The following BANP variants were observed in gnomAD, a reference collection of about 807,000 sequenced individuals.
BANP encodes protein BANP.
In BANP, 11 loss-of-function variants were observed where a neutral mutation model predicts 68.1. The ratio of observed to expected loss-of-function variants is 0.16; its 90% confidence interval spans 0.10 to 0.27. The LOEUF is 0.27. BANP is among the 10% of genes least tolerant of loss of function. BANP has a pLI of 1.00. For missense variants in BANP, 504 were observed against 722.7 expected, an observed-to-expected ratio of 0.70 and a Z score of 3.47; for synonymous variants, 329 against 303.2, an observed-to-expected ratio of 1.09 and a Z score of -0.88.
At chr16:88,024,704 G>C (rs1162150355) in intron 7 of BANP, among the ~76,000 whole-genome samples, 1 of 152,242 alleles carries the variant, frequency 6.6e-6, no homozygotes, top group Non-Finnish European at 1.5e-5. Context: ...TCCGTTCTCT[G>C]GATCTCCTTT....
intron 13 of BANP, 112 bp downstream of exon 13, chr16:88,072,324 C>T (rs2090555804): frequency 3.9e-6 from 5 of 1,274,374 alleles, no homozygotes; most frequent in Non-Finnish European, 5.3e-6. Flanking sequence ...GTGCAGAGGG[C>T]ACGTGATTGG....
At chr16:88,047,193 C>T (rs1466707640) in intron 11 of BANP, among the ~76,000 whole-genome samples, 5 of 152,250 alleles carry the variant, frequency 3.3e-5, no homozygotes, top group South Asian at 4.1e-4. Context: ...CCAGAGCTCC[C>T]GGGGCTGCCA....
intron 4 of BANP, among the ~76,000 whole-genome samples, chr16:87,998,857 C>T (rs2068119721): frequency 7.1e-6 from 1 of 141,010 alleles, no homozygotes; most frequent in African/African-American, 2.7e-5. Context: ...CTTACCTGTC[C>T]TTCCAGACAC....
At chr16:88,040,732 C>T (rs1022308742) in intron 11 of BANP, among the ~76,000 whole-genome samples, 1 of 152,246 alleles carries the variant, frequency 6.6e-6, no homozygotes, top group Non-Finnish European at 1.5e-5. Flanking sequence ...GGCCCTTGGC[C>T]TGCCCTGGTG....
chr16:88,023,735 G>C (rs917601614), intron 7 of BANP, among the ~76,000 whole-genome samples: 1 of 152,210 alleles, frequency 6.6e-6, no homozygotes, highest in Non-Finnish European at 1.5e-5. Flanking sequence ...TGAACCACCA[G>C]AGTCAGTAAC....
intron 11 of BANP, among the ~76,000 whole-genome samples, chr16:88,063,972 G>GT (rs1469731719): frequency 6.6e-6 from 1 of 152,176 alleles, no homozygotes; most frequent in East Asian, 1.9e-4. Context: ...GTTTTGATAA[G>GT]TTTTTTAGAA....
At chr16:88,035,464 G>A in intron 10 of BANP, 70 bp downstream of exon 10, 2 of 1,417,882 alleles carry the variant, frequency 1.4e-6, no homozygotes, top group South Asian at 1.2e-5. Flanking sequence ...CTTCATCGGT[G>A]TCACAGTGCG....
chr16:87,972,632 C>T (rs187449357), intron 1 of BANP, among the ~76,000 whole-genome samples: 1 of 152,204 alleles, frequency 6.6e-6, no homozygotes, highest in African/African-American at 2.4e-5. Flanking sequence ...AGAATCGTTT[C>T]TCTAATTTCA....
chr16:88,053,614 A>T (rs1329339364), intron 11 of BANP, among the ~76,000 whole-genome samples: 17 of 141,760 alleles, frequency 1.2e-4, no homozygotes, highest in Non-Finnish European at 2.3e-4. Flanking sequence ...CCTAACGACT[A>T]CCACCCCCAC....
intron 13 of BANP, among the ~76,000 whole-genome samples, chr16:88,075,140 G>C (rs185107110): frequency 8.1e-4 from 123 of 152,316 alleles, no homozygotes; most frequent in African/African-American, 2.9e-3. Flanking sequence ...GAGGTCAGGA[G>C]TTCGAGACCA....
intron 1 of BANP, among the ~76,000 whole-genome samples, chr16:87,967,768 G>A (rs1003777955): frequency 2.0e-5 from 3 of 152,038 alleles, no homozygotes; most frequent in Non-Finnish European, 2.9e-5. Context: ...AATACAGGGC[G>A]TGTGCCACCA....
At chr16:88,020,201 G>C (rs1170123274) in intron 7 of BANP, among the ~76,000 whole-genome samples, 1 of 152,240 alleles carries the variant, frequency 6.6e-6, no homozygotes, top group Non-Finnish European at 1.5e-5. Context: ...TTCAGGCTTT[G>C]CAGGCCCTGG....
At chr16:87,989,231 T>C (rs539366396) in intron 4 of BANP, among the ~76,000 whole-genome samples, 23 of 152,140 alleles carry the variant, frequency 1.5e-4, no homozygotes, top group Non-Finnish European at 2.8e-4. Context: ...AAATGGTCTT[T>C]TAAGTTTTGT....
intron 1 of BANP, among the ~76,000 whole-genome samples, chr16:87,964,376 G>A (rs1002653824): frequency 1.3e-5 from 2 of 152,240 alleles, no homozygotes; most frequent in Admixed American, 6.5e-5. Flanking sequence ...TTTCAGATGT[G>A]TAGTAAGTCA....
chr16:87,995,430 A>G (rs2066931586), intron 4 of BANP, among the ~76,000 whole-genome samples: 1 of 152,376 alleles, frequency 6.6e-6, no homozygotes. Flanking sequence ...GGGAACAGGT[A>G]CTGGAGTTTA....
chr16:87,996,552 C>T (rs2067282639), intron 4 of BANP, among the ~76,000 whole-genome samples: 1 of 139,578 alleles, frequency 7.2e-6, no homozygotes, highest in African/African-American at 2.8e-5. Context: ...GTCCTGGGCG[C>T]CGGCTGGGCT....
At chr16:87,967,335 T>A (rs1173815026) in intron 1 of BANP, among the ~76,000 whole-genome samples, 1 of 149,514 alleles carries the variant, frequency 6.7e-6, no homozygotes, top group Admixed American at 6.7e-5. Flanking sequence ...TCTCCAACTC[T>A]GACCTCAGGT....
rs935604177 is a variant in BANP at position 88,004,657 on chromosome 16, G to A, written c.479+246G>A. Among the ~76,000 whole-genome samples the A allele has an allele frequency of 4.6e-5, 7 of 152,158 alleles. No homozygotes were observed. The highest frequency in any genetic ancestry group is 9.7e-5 in the African/African-American group (4 of 41,416). ...GGGACTTCTGTGTCTCGTGCTGGCCGGGGTTGTGGAGGGGGCTGGCTCTGT... is the reference window on the plus strand; with the variant it reads ...GGGACTTCTGTGTCTCGTGCTGGCCAGGGTTGTGGAGGGGGCTGGCTCTGT... On this transcript the variant is annotated intron_variant, in intron 5 of 13. Transcript: ENST00000682872. This position sits in a 1 kb window ranked among gnomAD's most constrained non-coding sequence, Gnocchi z 7.0.
Position 88,018,046 on chromosome 16 carries a change from G to C in BANP, c.656-382G>C, listed in dbSNP as rs2074992897. Among the ~76,000 whole-genome samples, 2 of 152,112 alleles carry C rather than the reference G, an allele frequency of 1.3e-5. No individual in the cohort carries two copies. The highest frequency in any genetic ancestry group is 2.9e-5 in the Non-Finnish European group (2 of 68,010). On this transcript the variant is annotated intron_variant, in intron 6 of 13. Transcript: ENST00000682872. This position sits in a 1 kb window ranked among gnomAD's most constrained non-coding sequence, Gnocchi z 7.7. ...AGCATGGCTGGCAGTGAGGTGTGAGGGACCCCGGGGAGGGTTCCGCTCTGC... is the reference window on the plus strand; with the variant it reads ...AGCATGGCTGGCAGTGAGGTGTGAGCGACCCCGGGGAGGGTTCCGCTCTGC...
Sources: gnomAD v4.1 joint callset for allele counts (sites outside exome capture counted in the v4.1 genomes callset) on GRCh38, gnomAD v4.1.1 for gene constraint, Gnocchi (gnomAD v3.1) non-coding constraint, MANE v1.5 for transcripts, NCBI Gene and HGNC (gene_info 2026-07-23, HGNC 2026-07-21) for gene names.